ZFPM2: variants seen among roughly 807,000 people sequenced by gnomAD.
ZFPM2 encodes the protein zinc finger protein, FOG family member 2, also known as zinc finger protein ZFPM2.
A neutral mutation model predicts 98.6 loss-of-function variants in ZFPM2; 20 were observed. That is an observed-to-expected ratio of 0.20 (90% CI 0.14 to 0.29). The LOEUF (loss-of-function observed/expected upper bound fraction) is 0.29, where lower values mean the gene tolerates loss of function less well. ZFPM2 is among the 10% of genes least tolerant of loss of function. The probability of loss-of-function intolerance (pLI) is 1.00; values close to 1 mark genes in which losing one functional copy is unlikely to be tolerated. For missense variants in ZFPM2, 1,310 were observed against 1,388.6 expected, an observed-to-expected ratio of 0.94 and a Z score of 0.90; for synonymous variants, 518 against 502.7, an observed-to-expected ratio of 1.03 and a Z score of -0.41.
chr8:105,462,234 C>T (rs1465484906), intron 3 of ZFPM2, among the ~76,000 whole-genome samples: 1 of 152,118 alleles, frequency 6.6e-6, no homozygotes, highest in Non-Finnish European at 1.5e-5. Context: ...ATCAAGCACC[C>T]TGGCTCCAGT....
intron 5 of ZFPM2, among the ~76,000 whole-genome samples, chr8:105,714,561 T>TA (rs1811474213): frequency 6.6e-6 from 1 of 152,040 alleles, no homozygotes; most frequent in Non-Finnish European, 1.5e-5. Flanking sequence ...AGGTAATAAA[T>TA]ACTTAAAATT....
chr8:105,407,289 A>G (rs1811481056), intron 1 of ZFPM2, among the ~76,000 whole-genome samples: 2 of 151,924 alleles, frequency 1.3e-5, no homozygotes. Flanking sequence ...AAAAACCAAT[A>G]TATTTTACTT....
chr8:105,580,013 T>TAC (rs1486483940), intron 4 of ZFPM2, among the ~76,000 whole-genome samples: 1 of 152,182 alleles, frequency 6.6e-6, no homozygotes, highest in East Asian at 1.9e-4. Flanking sequence ...CATCTGGTGT[T>TAC]ACACACAGAT....
At chr8:105,530,784 C>G (rs1466404259) in intron 3 of ZFPM2, among the ~76,000 whole-genome samples, 4 of 152,070 alleles carry the variant, frequency 2.6e-5, no homozygotes, top group Non-Finnish European at 4.4e-5. Context: ...ACAATTCGGT[C>G]CATAGCAATC....
At chr8:105,364,176 A>G (rs1252316429) in intron 1 of ZFPM2, among the ~76,000 whole-genome samples, 1 of 152,090 alleles carries the variant, frequency 6.6e-6, no homozygotes, top group Non-Finnish European at 1.5e-5. Flanking sequence ...TTCCTGATAT[A>G]TATGAGCTAC....
intron 3 of ZFPM2, among the ~76,000 whole-genome samples, chr8:105,491,786 T>C (rs1433778688): frequency 6.6e-6 from 1 of 152,190 alleles, no homozygotes. Flanking sequence ...ATTTATTGCC[T>C]TATATCTACC....
chr8:105,336,206 T>C (rs1401243170), intron 1 of ZFPM2, among the ~76,000 whole-genome samples: 1 of 151,788 alleles, frequency 6.6e-6, no homozygotes, highest in Non-Finnish European at 1.5e-5. Flanking sequence ...CCTTTTAGCA[T>C]GTTATTTAAT....
intron 2 of ZFPM2, among the ~76,000 whole-genome samples, chr8:105,422,647 A>T (rs1811819092): frequency 1.3e-5 from 2 of 152,272 alleles, no homozygotes; most frequent in East Asian, 3.9e-4. Context: ...CAAGCATAAA[A>T]ATTTTGTAAA....
At chr8:105,717,966 C>T (rs754272236) in intron 5 of ZFPM2, among the ~76,000 whole-genome samples, 4 of 151,662 alleles carry the variant, frequency 2.6e-5, no homozygotes, top group Non-Finnish European at 4.4e-5. Flanking sequence ...ACTCCTGGCT[C>T]CTACTACCGA....
At chr8:105,777,618 T>TA in intron 5 of ZFPM2, among the ~76,000 whole-genome samples, 1 of 152,342 alleles carries the variant, frequency 6.6e-6, no homozygotes, top group Admixed American at 6.5e-5. Flanking sequence ...TGAAAAAAGT[T>TA]AAAGATCATT....
chr8:105,428,128 A>G (rs1020398455), intron 2 of ZFPM2, among the ~76,000 whole-genome samples: 2 of 152,218 alleles, frequency 1.3e-5, no homozygotes, highest in African/African-American at 4.8e-5. Flanking sequence ...CCACTATTAT[A>G]TAACTCTTGT....
At chr8:105,518,798 C>A (rs1325589657) in intron 3 of ZFPM2, among the ~76,000 whole-genome samples, 1 of 152,048 alleles carries the variant, frequency 6.6e-6, no homozygotes, top group Admixed American at 6.6e-5. Flanking sequence ...GGAATAAGGA[C>A]CTGCTAGGTT....
intron 3 of ZFPM2, among the ~76,000 whole-genome samples, chr8:105,481,513 A>C (rs1242457933): frequency 6.6e-6 from 1 of 151,980 alleles, no homozygotes; most frequent in African/African-American, 2.4e-5. Flanking sequence ...ATCCTATTGG[A>C]TTAGGCTCCT....
At chr8:105,522,173 A>G (rs1814077155) in intron 3 of ZFPM2, among the ~76,000 whole-genome samples, 1 of 152,238 alleles carries the variant, frequency 6.6e-6, no homozygotes, top group African/African-American at 2.4e-5. Flanking sequence ...TCAAATTGTT[A>G]ATAGCTCTGG....
At chr8:105,398,399 C>G (rs1465113962) in intron 1 of ZFPM2, among the ~76,000 whole-genome samples, 1 of 152,150 alleles carries the variant, frequency 6.6e-6, no homozygotes, top group Non-Finnish European at 1.5e-5. Flanking sequence ...TGATATCTCC[C>G]TTTTAGAACA....
At chr8:105,695,197 C>G (rs1332641270) in intron 5 of ZFPM2, among the ~76,000 whole-genome samples, 1 of 152,010 alleles carries the variant, frequency 6.6e-6, no homozygotes, top group African/African-American at 2.4e-5. Context: ...TCCTGTTAAT[C>G]CTTCCACGTA....
At chr8:105,779,805 A>G (rs1813200180) in intron 5 of ZFPM2, among the ~76,000 whole-genome samples, 1 of 152,190 alleles carries the variant, frequency 6.6e-6, no homozygotes, top group Non-Finnish European at 1.5e-5. Context: ...ATAAATAATA[A>G]AAAGTGCAAG....
intron 1 of ZFPM2, among the ~76,000 whole-genome samples, chr8:105,376,047 C>T (rs1450471471): frequency 4.6e-5 from 7 of 152,114 alleles, no homozygotes; most frequent in Non-Finnish European, 1.0e-4. Context: ...TTCCTCTTCT[C>T]TCTTCAACTC....
At chr8:105,515,073 GA>G (rs1245624037) in intron 3 of ZFPM2, among the ~76,000 whole-genome samples, 1 of 152,176 alleles carries the variant, frequency 6.6e-6, no homozygotes, top group Non-Finnish European at 1.5e-5. Context: ...AAAGGCCCTG[GA>G]AGGTAAGTGT....
Sources: gnomAD v4.1 joint callset for allele counts (sites outside exome capture counted in the v4.1 genomes callset) on GRCh38, gnomAD v4.1.1 for gene constraint, MANE v1.5 for transcripts, NCBI Gene and HGNC (gene_info 2026-07-23, HGNC 2026-07-21) for gene names.